The following PITPNC1 variants were observed in gnomAD, a reference collection of about 807,000 sequenced individuals.
PITPNC1 encodes the protein cytoplasmic phosphatidylinositol transfer protein 1.
PITPNC1 carries 18 observed loss-of-function variants against 44.7 expected under a neutral mutation model. That is an observed-to-expected ratio of 0.40 (90% CI 0.28 to 0.60). The LOEUF is 0.60. Ranked by LOEUF, PITPNC1 falls within the 20% of genes least tolerant of loss-of-function variation. PITPNC1 has a pLI of 0.39. For missense variants in PITPNC1, 290 were observed against 418.4 expected (o/e 0.69, Z 2.68); for synonymous variants, 141 against 149.6 (o/e 0.94, Z 0.42).
chr17:67,693,580 G>A lies in PITPNC1; in HGVS notation c.*692G>A, dbSNP rs1447208877. On this transcript the variant is annotated 3_prime_UTR_variant, in exon 9 of 9. Transcript: ENST00000581322. ...GTGGCCTCAGAAATCCTTAAGAATT[G>A]CATGGATGAATGTGACCATAACTGA... The A allele has an allele frequency of 6.6e-6, 1 of 152,482 alleles. No homozygotes were observed. Among genetic ancestry groups the A allele is most frequent in the African/African-American group, 2.4e-5 (1 of 41,402 alleles). 9.4% of individuals were successfully genotyped at this position (152,482 alleles called of 1,614,324 possible).
intron 1 of PITPNC1, among the ~76,000 whole-genome samples, chr17:67,496,862 C>T (rs1183306112): frequency 6.6e-6 from 1 of 151,966 alleles, no homozygotes; most frequent in Non-Finnish European, 1.5e-5. Context: ...AGCGAGAAGC[C>T]TTCTTTCCGC....
chr17:67,634,680 A>C (rs1264152817), intron 6 of PITPNC1, among the ~76,000 whole-genome samples: 2 of 152,222 alleles, frequency 1.3e-5, no homozygotes, highest in East Asian at 1.9e-4. Flanking sequence ...TCACACGTGC[A>C]GGAAGGCAGG....
intron 6 of PITPNC1, among the ~76,000 whole-genome samples, chr17:67,668,567 A>G (rs1005101126): frequency 6.6e-6 from 1 of 151,946 alleles, no homozygotes; most frequent in Admixed American, 6.6e-5. Flanking sequence ...ACAAAAGAAG[A>G]AAAGAAAAAA....
chr17:67,385,435 C>T (rs2038027711), intron 1 of PITPNC1, among the ~76,000 whole-genome samples: 1 of 152,136 alleles, frequency 6.6e-6, no homozygotes, highest in Non-Finnish European at 1.5e-5. Context: ...GACCAATCAG[C>T]AGGACATGGG....
At chr17:67,405,313 A>G in intron 1 of PITPNC1, among the ~76,000 whole-genome samples, 1 of 151,256 alleles carries the variant, frequency 6.6e-6, no homozygotes, top group African/African-American at 2.4e-5. Flanking sequence ...TCTACTGGGG[A>G]GGCTGAGGTG....
intron 1 of PITPNC1, among the ~76,000 whole-genome samples, chr17:67,429,894 T>G (rs1383625174): frequency 1.3e-5 from 2 of 152,204 alleles, no homozygotes; most frequent in African/African-American, 4.8e-5. Flanking sequence ...ATGAATAAAT[T>G]TAGCTTTCTG....
chr17:67,418,880 C>G (rs1483930256), intron 1 of PITPNC1, among the ~76,000 whole-genome samples: 2 of 151,962 alleles, frequency 1.3e-5, no homozygotes, highest in African/African-American at 4.8e-5. Context: ...CCCACCGGGC[C>G]TGAATTTTGC....
intron 1 of PITPNC1, among the ~76,000 whole-genome samples, chr17:67,515,644 C>T (rs1050940903): frequency 2.0e-5 from 3 of 152,260 alleles, no homozygotes; most frequent in East Asian, 3.9e-4. Context: ...CTTTACTGGA[C>T]GAACTCTGAA....
At chr17:67,475,967 T>C (rs1482679666) in intron 1 of PITPNC1, among the ~76,000 whole-genome samples, 3 of 152,156 alleles carry the variant, frequency 2.0e-5, no homozygotes, top group Non-Finnish European at 2.9e-5. Flanking sequence ...AGAGCTAGCA[T>C]GCAGTCCTTA....
chr17:67,494,171 CT>C lies in PITPNC1; in HGVS notation c.49-38628del, dbSNP rs1237554530. ...AACAATATGTGTAACCTCTTTCTTT[CT>C]TTCTTTCTTTCTTTTTCTTTCTTTC... is the stretch of plus-strand genomic sequence containing the variant. On this transcript the variant is annotated intron_variant, in intron 1 of 8. Coordinates refer to ENST00000581322, the MANE Select transcript of PITPNC1 (RefSeq NM_012417.4). 3.1e-5 allele frequency among the ~76,000 whole-genome samples: 2 copies of C among 64,760 alleles called. 1 individual carries two copies. Among genetic ancestry groups the C allele is most frequent in the African/African-American group, 1.2e-4 (2 of 16,602 alleles). The allele number at this position is 64,760 out of a possible 152,430, so 42.5% of individuals were successfully genotyped here.
intron 6 of PITPNC1, chr17:67,637,683 G>T (rs2042048928): frequency 6.6e-6 from 1 of 152,154 alleles, no homozygotes; most frequent in Non-Finnish European, 1.5e-5. Context: ...ACTAACCGGG[G>T]ACTCAGAAGC....
chr17:67,572,902 A>C (rs2041082527), intron 4 of PITPNC1, among the ~76,000 whole-genome samples: 1 of 152,106 alleles, frequency 6.6e-6, no homozygotes, highest in Non-Finnish European at 1.5e-5. Flanking sequence ...AGGGGATGTA[A>C]AGACGGAGGC....
chr17:67,537,359 T>C (rs909868480), intron 2 of PITPNC1, among the ~76,000 whole-genome samples: 1 of 152,216 alleles, frequency 6.6e-6, no homozygotes, highest in African/African-American at 2.4e-5. Context: ...TCAGCAAGAT[T>C]GTTGGGTACA....
At chr17:67,542,956 C>T (rs762412769) in intron 2 of PITPNC1, among the ~76,000 whole-genome samples, 7 of 152,170 alleles carry the variant, frequency 4.6e-5, no homozygotes, top group Admixed American at 2.0e-4. Context: ...ATCCATCTAT[C>T]GACCACTGGT....
At chr17:67,655,433 G>A (rs1057367564) in intron 6 of PITPNC1, among the ~76,000 whole-genome samples, 4 of 151,768 alleles carry the variant, frequency 2.6e-5, no homozygotes, top group Admixed American at 6.6e-5. Flanking sequence ...GGTGGCAGGC[G>A]CCTGTGGTCC....
chr17:67,618,975 C>G (rs1462823881), intron 5 of PITPNC1, among the ~76,000 whole-genome samples: 1 of 151,996 alleles, frequency 6.6e-6, no homozygotes, highest in Non-Finnish European at 1.5e-5. Context: ...CGAAGAATGG[C>G]GTGAACCCGG....
At chr17:67,473,544 C>A (rs1346590808) in intron 1 of PITPNC1, among the ~76,000 whole-genome samples, 3 of 151,998 alleles carry the variant, frequency 2.0e-5, no homozygotes, top group Non-Finnish European at 4.4e-5. Context: ...ACCTCGTGAT[C>A]TGCACGCCTC....
intron 8 of PITPNC1, among the ~76,000 whole-genome samples, chr17:67,684,394 T>TAA (rs1010067475): frequency 2.0e-5 from 3 of 152,016 alleles, no homozygotes; most frequent in African/African-American, 7.2e-5. Context: ...ATTACAGGCA[T>TAA]AAGCCACCCT....
chr17:67,455,419 G>A (rs1362490902), intron 1 of PITPNC1, among the ~76,000 whole-genome samples: 3 of 151,778 alleles, frequency 2.0e-5, no homozygotes, highest in Non-Finnish European at 2.9e-5. Flanking sequence ...TGGGTGACAG[G>A]GTATCTACAT....
Sources: allele counts gnomAD v4.1 joint callset (sites outside exome capture counted in the v4.1 genomes callset), GRCh38; gene constraint gnomAD v4.1.1; transcripts MANE v1.5; gene names NCBI Gene and HGNC (gene_info 2026-07-23, HGNC 2026-07-21).